SPRR2G: variants seen among roughly 807,000 people sequenced by gnomAD.
The protein encoded by SPRR2G is small proline-rich protein 2G.
A neutral mutation model predicts 0.7 loss-of-function variants in SPRR2G; 1 was observed. The observed-to-expected ratio is 1.49, with a 90% confidence interval of 0.53 to 7.06. The LOEUF is 7.06. Ranked by LOEUF, SPRR2G falls within the 30% of genes most tolerant of loss-of-function variation. The pLI, the probability that SPRR2G is intolerant of heterozygous loss-of-function variation, is 0.14. For synonymous variants in SPRR2G, 38 were observed against 33.9 expected (o/e 1.12, Z -0.42); for missense variants, 96 against 88.5 (o/e 1.09, Z -0.34).
chr1:153,159,571 C>T, the SPRR2G span, among the ~76,000 whole-genome samples: 1 of 152,218 alleles, frequency 6.6e-6, no homozygotes, highest in Admixed American at 6.5e-5. Flanking sequence ...ATCTTTATAG[C>T]AGTACCCATT....
the SPRR2G span, among the ~76,000 whole-genome samples, chr1:153,193,179 G>A: frequency 3.9e-5 from 6 of 152,298 alleles, 1 homozygote; most frequent in Middle Eastern, 6.8e-3. Context: ...TGGTCGATAT[G>A]CATTGACCTA....
the SPRR2G span, among the ~76,000 whole-genome samples, chr1:153,160,689 C>T: frequency 1.3e-5 from 2 of 152,046 alleles, no homozygotes; most frequent in African/African-American, 2.4e-5. Context: ...GTGGTGATTC[C>T]TCAGGGATCT....
the SPRR2G span, among the ~76,000 whole-genome samples, chr1:153,169,252 A>G: frequency 6.6e-6 from 1 of 151,994 alleles, no homozygotes; most frequent in Non-Finnish European, 1.5e-5. Flanking sequence ...CAGTAGACCG[A>G]CGTTCCTTCC....
chr1:153,176,953 G>A, the SPRR2G span, among the ~76,000 whole-genome samples: 2 of 152,120 alleles, frequency 1.3e-5, no homozygotes, highest in Non-Finnish European at 2.9e-5. Flanking sequence ...GGGGGATCTA[G>A]AATATTTCCA....
At chr1:153,191,566 AT>A in the SPRR2G span, 1 of 152,252 alleles carries the variant, frequency 6.6e-6, no homozygotes, top group Non-Finnish European at 1.5e-5. Flanking sequence ...TGATGATGTC[AT>A]TGCATATCAT....
At chr1:153,173,901 A>C in the SPRR2G span, among the ~76,000 whole-genome samples, 4 of 152,206 alleles carry the variant, frequency 2.6e-5, no homozygotes, top group African/African-American at 9.6e-5. Flanking sequence ...GAAATTTTAC[A>C]GATTCTTTCA....
At chr1:153,190,424 G>C in the SPRR2G span, 5 of 152,214 alleles carry the variant, frequency 3.3e-5, no homozygotes, top group Admixed American at 6.5e-5. Flanking sequence ...TATTGTCATA[G>C]TCTACTGGGG....
chr1:153,161,610 G>A, the SPRR2G span, among the ~76,000 whole-genome samples: 8 of 151,910 alleles, frequency 5.3e-5, no homozygotes. Flanking sequence ...TTATTTCATT[G>A]CCTGTGATTT....
At chr1:153,199,096 C>A in the SPRR2G span, among the ~76,000 whole-genome samples, 3 of 152,126 alleles carry the variant, frequency 2.0e-5, no homozygotes, top group Non-Finnish European at 4.4e-5. Context: ...ACATTCTTCC[C>A]CCTTTATATA....
chr1:153,169,509 T>C, the SPRR2G span, among the ~76,000 whole-genome samples: 1 of 151,236 alleles, frequency 6.6e-6, no homozygotes, highest in African/African-American at 2.4e-5. Context: ...GAGGTTGCAG[T>C]GTGCTGAGAT....
At chr1:153,153,794 T>C (rs1656522025), upstream of SPRR2G, among the ~76,000 whole-genome samples, 1 of 152,158 alleles carries the variant, frequency 6.6e-6, no homozygotes, top group Non-Finnish European at 1.5e-5. Context: ...AAAGATATGC[T>C]GCTACTACAT....
chr1:153,182,300 CA>C, the SPRR2G span, among the ~76,000 whole-genome samples: 1 of 151,414 alleles, frequency 6.6e-6, no homozygotes, highest in Non-Finnish European at 1.5e-5. Flanking sequence ...CCTGCATACC[CA>C]AAATATAATA....
chr1:153,157,258 G>A, the SPRR2G span, among the ~76,000 whole-genome samples: 1 of 152,092 alleles, frequency 6.6e-6, no homozygotes, highest in African/African-American at 2.4e-5. Context: ...TTTGTTAAGT[G>A]TGATGATCAT....
At chr1:153,198,674 A>G in the SPRR2G span, among the ~76,000 whole-genome samples, 1 of 152,164 alleles carries the variant, frequency 6.6e-6, no homozygotes, top group Non-Finnish European at 1.5e-5. Flanking sequence ...GTCGGAGCGC[A>G]TAAGAGGAGC....
chr1:153,202,893 A>G, the SPRR2G span, among the ~76,000 whole-genome samples: 1 of 152,016 alleles, frequency 6.6e-6, no homozygotes, highest in Non-Finnish European at 1.5e-5. Context: ...TCCAACCACA[A>G]AGACCCTGGT....
the SPRR2G span, among the ~76,000 whole-genome samples, chr1:153,167,304 A>C: frequency 3.3e-5 from 5 of 151,594 alleles, no homozygotes; most frequent in African/African-American, 1.2e-4. Flanking sequence ...GAGAAATCCC[A>C]TCTCTACTAA....
At chr1:153,191,125 T>C in the SPRR2G span, 4 of 152,278 alleles carry the variant, frequency 2.6e-5, no homozygotes, top group African/African-American at 9.6e-5. Flanking sequence ...CCAGTCTCAG[T>C]CTCTGATTTC....
At chr1:153,188,943 C>T in the SPRR2G span, among the ~76,000 whole-genome samples, 2 of 152,280 alleles carry the variant, frequency 1.3e-5, no homozygotes, top group Non-Finnish European at 2.9e-5. Flanking sequence ...GGTGAGGCAA[C>T]GCCCCACCCT....
At chr1:153,157,850 C>G in the SPRR2G span, among the ~76,000 whole-genome samples, 1 of 142,588 alleles carries the variant, frequency 7.0e-6, no homozygotes, top group Non-Finnish European at 1.5e-5. Flanking sequence ...GGAGGGGGGC[C>G]ACACTTACAA....
Sources: allele counts gnomAD v4.1 joint callset (sites outside exome capture counted in the v4.1 genomes callset), GRCh38; gene constraint gnomAD v4.1.1; transcripts MANE v1.5; gene names NCBI Gene and HGNC (gene_info 2026-07-23, HGNC 2026-07-21).